Variants in PLAC1 observed in about 807,000 individuals in gnomAD.
PLAC1 encodes the protein placenta associated 1.
For synonymous variants in PLAC1, 68 were observed against 62.1 expected (o/e 1.09, Z -0.44); for missense variants, 136 against 163.2 (o/e 0.83, Z 0.91).
Position 134,696,909 on chromosome X carries a change from G to A in PLAC1, n.174+36526C>T, listed in dbSNP as rs2078565900. ...TAGCCGGGCGGGGTGGCGGGCGCCTGTAGTCCCAACCACTCGGGAGGCTGA... is the reference window on the plus strand; with the variant it reads ...TAGCCGGGCGGGGTGGCGGGCGCCTATAGTCCCAACCACTCGGGAGGCTGA... On this transcript the variant is annotated intron_variant and non_coding_transcript_variant, in intron 2 of 2. Coordinates refer to the PLAC1 transcript ENST00000466797. Among the ~76,000 whole-genome samples the A allele has an allele frequency of 1.8e-5, 2 of 108,410 alleles. 1 individual carries two copies. Among genetic ancestry groups the A allele is most frequent in the South Asian group, 8.3e-4 (2 of 2,410 alleles). The allele number at this position is 108,410 out of a possible 115,157, so 94.1% of individuals were successfully genotyped here. A position where few individuals can be genotyped will look rare whatever the true frequency, so the allele number is the denominator to read the frequency against.
chrX:134,752,286 C>A (rs1181570398), intron 1 of PLAC1, among the ~76,000 whole-genome samples: 1 of 111,464 alleles, frequency 9.0e-6, no homozygotes, highest in African/African-American at 3.3e-5. Flanking sequence ...GTAACCTCCA[C>A]ATTGCCTCTT....
chrX:134,717,481 A>C (rs1293068864), intron 2 of PLAC1, among the ~76,000 whole-genome samples: 1 of 111,560 alleles, frequency 9.0e-6, no homozygotes, highest in East Asian at 2.8e-4. Context: ...GGTGGTTTAC[A>C]ACCTCCTGAC....
intron 2 of PLAC1, among the ~76,000 whole-genome samples, chrX:134,667,241 A>G (rs2078440333): frequency 8.9e-6 from 1 of 112,342 alleles, no homozygotes; most frequent in Non-Finnish European, 1.9e-5. Flanking sequence ...GAGACCACCC[A>G]TGGAATGAGA....
chrX:134,755,323 AGTTT>A (rs1569415316), intron 1 of PLAC1, among the ~76,000 whole-genome samples: 1 of 112,543 alleles, frequency 8.9e-6, no homozygotes, highest in Non-Finnish European at 1.9e-5. Flanking sequence ...AGTACTCTGT[AGTTT>A]GTTTGTTCAT....
At chrX:134,621,444 C>CAAAAAAA (rs11317429) in intron 1 of PLAC1, among the ~76,000 whole-genome samples, 4 of 33,857 alleles carry the variant, frequency 1.2e-4, no homozygotes, top group Non-Finnish European at 1.9e-4. Flanking sequence ...GGCTCTGTCT[C>CAAAAAAA]AAAAAAAAAA....
chrX:134,639,480 C>T (rs2078298265), intron 1 of PLAC1, among the ~76,000 whole-genome samples: 1 of 111,229 alleles, frequency 9.0e-6, no homozygotes, highest in African/African-American at 3.3e-5. Context: ...GGAAATAGTT[C>T]CCACTCTACA....
intron 1 of PLAC1, among the ~76,000 whole-genome samples, chrX:134,739,660 T>C (rs1359286682): frequency 8.8e-6 from 1 of 113,094 alleles, no homozygotes; most frequent in African/African-American, 3.2e-5. Context: ...CGTGCCAGAA[T>C]GGCAATGTAG....
intron 1 of PLAC1, among the ~76,000 whole-genome samples, chrX:134,639,951 TA>T (rs1348459623): frequency 8.9e-6 from 1 of 112,364 alleles, no homozygotes; most frequent in Non-Finnish European, 1.9e-5. Context: ...AGATATACAA[TA>T]TTTTTTTGTT....
At chrX:134,614,871 G>A (rs946730194) in intron 1 of PLAC1, among the ~76,000 whole-genome samples, 2 of 109,934 alleles carry the variant, frequency 1.8e-5, no homozygotes, top group Admixed American at 1.9e-4. Flanking sequence ...GGCTGGTCTC[G>A]AACTCCTGGC....
chrX:134,570,093 G>A (rs1204295326), intron 2 of PLAC1, among the ~76,000 whole-genome samples: 2 of 111,884 alleles, frequency 1.8e-5, no homozygotes, highest in Non-Finnish European at 3.8e-5. Context: ...GCCTCCCAAA[G>A]TGCTCGGATT....
intron 1 of PLAC1, among the ~76,000 whole-genome samples, chrX:134,611,146 C>T (rs2078150409): frequency 9.0e-6 from 1 of 111,102 alleles, no homozygotes; most frequent in Non-Finnish European, 1.9e-5. Context: ...TCCCAAAGTG[C>T]TGGGATTACA....
chrX:134,590,262 G>A (rs1602809854), intron 2 of PLAC1, among the ~76,000 whole-genome samples: 2 of 111,241 alleles, frequency 1.8e-5, no homozygotes, highest in South Asian at 7.6e-4. Flanking sequence ...TCCTTAACAT[G>A]ATTTTGAGTA....
Position 134,644,480 on chromosome X carries a change from T to C in PLAC1, c.-131+13848A>G, listed in dbSNP as rs138326338. Among the ~76,000 whole-genome samples the C allele has an allele frequency of 5.0e-3, 552 of 110,959 alleles. 6 individuals carry two copies. Among genetic ancestry groups the C allele is most frequent in the Non-Finnish European group, 8.2e-3 (433 of 52,902 alleles). On this transcript the variant is annotated intron_variant, in intron 1 of 2. Coordinates refer to ENST00000359237, the MANE Select transcript of PLAC1 (RefSeq NM_021796.4). ...AAAGTTCTGGGATACATGTGCAGGATGTGCAGGTTTGTTACATAGGTAAAC... is the reference window on the plus strand; with the variant it reads ...AAAGTTCTGGGATACATGTGCAGGACGTGCAGGTTTGTTACATAGGTAAAC...
intron 2 of PLAC1, among the ~76,000 whole-genome samples, chrX:134,683,186 T>A (rs1163562137): frequency 9.0e-6 from 1 of 110,874 alleles, no homozygotes; most frequent in Non-Finnish European, 1.9e-5. Flanking sequence ...TCTCCTGTGA[T>A]TGAAGCTGCA....
At chrX:134,704,078 G>A (rs768583735) in intron 2 of PLAC1, among the ~76,000 whole-genome samples, 2 of 105,135 alleles carry the variant, frequency 1.9e-5, no homozygotes, top group African/African-American at 3.5e-5. Context: ...AATTTTAAAG[G>A]TGACCACTAA....
chrX:134,631,558 C>A (rs778738855), intron 1 of PLAC1, among the ~76,000 whole-genome samples: 1 of 112,002 alleles, frequency 8.9e-6, no homozygotes, highest in South Asian at 3.8e-4. Context: ...GATTCTTGAG[C>A]TGCAATCAGG....
chrX:134,734,058 A>T (rs1255884255), intron 1 of PLAC1, among the ~76,000 whole-genome samples: 1 of 111,702 alleles, frequency 9.0e-6, no homozygotes, highest in African/African-American at 3.3e-5. Context: ...GTAAACCAGG[A>T]CAACTGTGCC....
chrX:134,661,285 G>A (rs763119500), upstream of PLAC1, among the ~76,000 whole-genome samples: 6 of 111,835 alleles, frequency 5.4e-5, no homozygotes, highest in South Asian at 2.3e-3. Flanking sequence ...AATGATCTGC[G>A]TAATTACTTA....
At chrX:134,676,478 T>C (rs1055398172) in intron 2 of PLAC1, among the ~76,000 whole-genome samples, 3 of 112,126 alleles carry the variant, frequency 2.7e-5, no homozygotes, top group Admixed American at 1.9e-4. Context: ...GGTCTCCCAC[T>C]TTAAGCTTGT....
Sources: gnomAD v4.1 joint callset for allele counts (sites outside exome capture counted in the v4.1 genomes callset) on GRCh38, gnomAD v4.1.1 for gene constraint, MANE v1.5 for transcripts, NCBI Gene and HGNC (gene_info 2026-07-23, HGNC 2026-07-21) for gene names.